SAMMSON: variants seen among roughly 807,000 people sequenced by gnomAD.
SAMMSON encodes the protein long intergenic non-protein coding RNA 1212.
At chr3:70,108,441 T>TTTTTTTTTTTTTTTTTA (rs1553715435) in intron 4 of SAMMSON, among the ~76,000 whole-genome samples, 2 of 146,404 alleles carry the variant, frequency 1.4e-5, no homozygotes, top group African/African-American at 5.2e-5. Flanking sequence ...TTTTTTTTTT[T>TTTTTTTTTTTTTTTTTA]ATCATAACTC....
intron 4 of SAMMSON, among the ~76,000 whole-genome samples, chr3:70,087,070 A>G (rs181709848): frequency 9.2e-4 from 140 of 152,284 alleles, no homozygotes; most frequent in African/African-American, 2.9e-3. Context: ...CTGAGCTTCA[A>G]GCAATCTTTA....
intron 3 of SAMMSON, among the ~76,000 whole-genome samples, chr3:70,044,663 A>G (rs940219086): frequency 1.3e-5 from 2 of 151,884 alleles, no homozygotes; most frequent in African/African-American, 2.4e-5. Flanking sequence ...AAATTTTCCT[A>G]TTACTGTGTA....
chr3:70,174,112 T>A (rs1172565054), intron 4 of SAMMSON, among the ~76,000 whole-genome samples: 1 of 151,928 alleles, frequency 6.6e-6, no homozygotes, highest in Admixed American at 6.6e-5. Flanking sequence ...ATATAATTCT[T>A]AGGTTATGAA....
intron 2 of SAMMSON, among the ~76,000 whole-genome samples, chr3:70,411,127 A>G (rs1034274553): frequency 2.0e-5 from 3 of 152,210 alleles, no homozygotes; most frequent in African/African-American, 7.2e-5. Context: ...GCACAGGTAC[A>G]GCCTGTAAAG....
At chr3:70,172,611 A>G (rs1700968319) in intron 4 of SAMMSON, 1 of 151,974 alleles carries the variant, frequency 6.6e-6, no homozygotes. Flanking sequence ...TGCAAGTAAG[A>G]ACACTCACAA....
At chr3:70,100,181 C>T (rs997660643) in intron 4 of SAMMSON, among the ~76,000 whole-genome samples, 2 of 151,926 alleles carry the variant, frequency 1.3e-5, no homozygotes, top group African/African-American at 4.8e-5. Context: ...GGGTGTTGCT[C>T]TATCACTCAG....
chr3:70,344,606 G>T lies in SAMMSON; in HGVS notation n.740-9569G>T, dbSNP rs188097557. 1.5e-3 allele frequency among the ~76,000 whole-genome samples: 227 copies of T among 152,348 alleles called. 1 individual carries two copies. Among genetic ancestry groups the T allele is most frequent in the African/African-American group, 5.1e-3 (214 of 41,592 alleles). On this transcript the variant is annotated intron_variant and non_coding_transcript_variant, in intron 7 of 9. Transcript: ENST00000642114. ...CTATCTGCAGACAACAAGGCTAAAA[G>T]AATGCACTCTAACACGTGCCCATGT...
intron 7 of SAMMSON, among the ~76,000 whole-genome samples, chr3:70,330,212 A>G (rs1403051343): frequency 6.6e-6 from 1 of 151,968 alleles, no homozygotes; most frequent in African/African-American, 2.4e-5. Flanking sequence ...AATCAGTAAT[A>G]TTAATATCTA....
chr3:70,204,326 C>T (rs978733755), intron 4 of SAMMSON, among the ~76,000 whole-genome samples: 2 of 152,132 alleles, frequency 1.3e-5, no homozygotes, highest in African/African-American at 4.8e-5. Flanking sequence ...ATTTCTGCAT[C>T]CTTAAATTAA....
chr3:70,143,368 ATG>A (rs142389051), intron 4 of SAMMSON, among the ~76,000 whole-genome samples: 12 of 150,460 alleles, frequency 8.0e-5, no homozygotes, highest in Middle Eastern at 3.4e-3. Context: ...ATATGTGTGA[ATG>A]TGTGTGTGTG....
At chr3:70,154,151 A>G (rs1471596258) in intron 4 of SAMMSON, among the ~76,000 whole-genome samples, 1 of 151,938 alleles carries the variant, frequency 6.6e-6, no homozygotes, top group Non-Finnish European at 1.5e-5. Flanking sequence ...AATTACATTT[A>G]AATCAGAAAA....
At chr3:70,091,293 G>T (rs1472700696) in intron 4 of SAMMSON, among the ~76,000 whole-genome samples, 1 of 152,130 alleles carries the variant, frequency 6.6e-6, no homozygotes, top group Non-Finnish European at 1.5e-5. Context: ...ATGGGTCGCA[G>T]CCGCCTTTCA....
At chr3:70,158,554 A>C (rs1019169909) in intron 4 of SAMMSON, among the ~76,000 whole-genome samples, 1 of 151,202 alleles carries the variant, frequency 6.6e-6, no homozygotes, top group Non-Finnish European at 1.5e-5. Context: ...TTTTTTTTTT[A>C]ATGCAAACAA....
At chr3:70,208,749 C>A (rs968933200) in intron 4 of SAMMSON, among the ~76,000 whole-genome samples, 4 of 152,058 alleles carry the variant, frequency 2.6e-5, no homozygotes, top group Non-Finnish European at 5.9e-5. Context: ...TCCTAACTGG[C>A]ACCAGAACTA....
intron 4 of SAMMSON, among the ~76,000 whole-genome samples, chr3:70,086,629 A>G (rs937281928): frequency 6.6e-5 from 10 of 152,192 alleles, no homozygotes; most frequent in African/African-American, 2.4e-4. Context: ...CAGGCCTGGT[A>G]AGATTTTTCT....
chr3:70,045,069 T>TTATAATTAATATA (rs1491292685), intron 3 of SAMMSON, among the ~76,000 whole-genome samples: 5 of 91,752 alleles, frequency 5.4e-5, no homozygotes, highest in African/African-American at 2.4e-4. Context: ...ATAATATATA[T>TTATAATTAATATA]TATAATTAAT....
chr3:70,220,719 T>A (rs893980697), intron 4 of SAMMSON, among the ~76,000 whole-genome samples: 2 of 152,202 alleles, frequency 1.3e-5, no homozygotes, highest in African/African-American at 4.8e-5. Flanking sequence ...TGACTGCTAC[T>A]GTATCAGGCA....
chr3:70,094,240 C>A (rs543994778), intron 4 of SAMMSON, among the ~76,000 whole-genome samples: 3 of 152,140 alleles, frequency 2.0e-5, no homozygotes, highest in African/African-American at 4.8e-5. Context: ...TAGGCCACCA[C>A]CAGGATCTCA....
Position 70,281,691 on chromosome 3 carries a change from T to C in SAMMSON, n.675-9488T>C, listed in dbSNP as rs148190465. 2.4e-3 allele frequency among the ~76,000 whole-genome samples: 361 copies of C among 152,278 alleles called. 5 individuals are homozygous for C. In the East Asian group the frequency reaches 0.026, roughly 11 times the overall value. On this transcript the variant is annotated intron_variant and non_coding_transcript_variant, in intron 6 of 9. Transcript: ENST00000642114. ...TCTCCCTGAGGAATCCTCACCATCA[T>C]TGCTTTTTGCCCCACCTCAAGTGAA...
Sources: allele counts gnomAD v4.1 joint callset (sites outside exome capture counted in the v4.1 genomes callset), GRCh38; gene constraint gnomAD v4.1.1; transcripts MANE v1.5; gene names NCBI Gene and HGNC (gene_info 2026-07-23, HGNC 2026-07-21).